The following PODXL variants were observed in gnomAD, a reference collection of about 807,000 sequenced individuals.
PODXL encodes podocalyxin like, also known as podocalyxin.
A neutral mutation model predicts 48.9 loss-of-function variants in PODXL; 20 were observed. The observed-to-expected ratio is 0.41, with a 90% CI of 0.29 to 0.59. The LOEUF (loss-of-function observed/expected upper bound fraction) is 0.59, where lower values mean the gene tolerates loss of function less well. Among genes scored for constraint, PODXL ranks in the 20% least tolerant of loss-of-function variants. PODXL has a pLI of 0.31. For missense variants in PODXL, 606 were observed against 675.1 expected (o/e 0.90, Z 1.13); for synonymous variants, 295 against 287.4 (o/e 1.03, Z -0.27).
Position 131,506,661 on chromosome 7 carries a change from G to A in PODXL, c.1167C>T (p.Asn389=). 1.2e-6 allele frequency: 2 copies of A among 1,614,200 alleles called. No individual in the cohort carries two copies. Among genetic ancestry groups the A allele is most frequent in the Non-Finnish European group, 1.7e-6 (2 of 1,180,014 alleles). The change falls in exon 6 of 9, where the codon AAC becomes AAT. Residue 389 remains asparagine, a synonymous_variant. Transcript: ENST00000378555. ...GTATGCCGCACTTATCTTGGGCCGG[G>A]TTGAAGGTGGCTTTGACTGCTCGGC... ...LICRAVKATF[N]PAQDKCGIRL...
chr7:131,532,445 A>T lies in PODXL; in HGVS notation c.101-21012T>A, dbSNP rs1410448201. ...AGCAAGACTCCGTCTCAAAAAAAAA[A>T]AAAAAATTAAAAATAAATAATAATA... On this transcript the variant is annotated intron_variant, in intron 1 of 8. Transcript: ENST00000378555. Among the ~76,000 whole-genome samples the T allele has an allele frequency of 2.0e-5, 3 of 148,782 alleles. No homozygotes were observed. In the East Asian group the frequency reaches 6.2e-4, roughly 31 times the overall value.
intron 1 of PODXL, 142 bp from the exon 2 acceptor site, chr7:131,511,575 A>G: frequency 1.3e-6 from 1 of 767,232 alleles, no homozygotes; most frequent in Non-Finnish European, 2.1e-6. Context: ...TGGTGAATCC[A>G]GAATTTTCGG....
chr7:131,540,515 C>T, intron 1 of PODXL, among the ~76,000 whole-genome samples: 1 of 152,014 alleles, frequency 6.6e-6, no homozygotes, highest in East Asian at 1.9e-4. Context: ...ACCCTTCGCA[C>T]CGACCCTCAC....
At chr7:131,526,702 C>T (rs563323992) in intron 1 of PODXL, among the ~76,000 whole-genome samples, 12 of 146,066 alleles carry the variant, frequency 8.2e-5, no homozygotes, top group Non-Finnish European at 1.3e-4. Context: ...GAAAGTTAGA[C>T]GTGTACACAT....
Position 131,511,078 on chromosome 7 carries a change from T to C in PODXL, c.456A>G (p.Ala152=), listed in dbSNP as rs1797904864. 2 of 1,614,010 alleles carry C rather than the reference T, an allele frequency of 1.2e-6. No homozygotes were observed. Among genetic ancestry groups the C allele is most frequent in the Non-Finnish European group, 1.7e-6 (2 of 1,180,022 alleles). ...TCCCCCCAGAGTTTGTTGTATCTTC[T>C]GCTCCATTCTGGCTGCTTGTGGTGT... ...KPNTTSSQNG[A]EDTTNSGGKS... The change falls in exon 2 of 9, where the codon GCA becomes GCG. Residue 152 remains alanine, a synonymous_variant. Transcript: ENST00000378555.
chr7:131,504,506 C>A lies in PODXL; in HGVS notation c.1482G>T (p.Gln494His). Reference sequence around the variant, plus strand: ...CTGTCTGCAGCTCCTCTGTTAGCCGCTGCTAGAGTGGGGAAGGTGACCGGT... The same window carrying A: ...CTGTCTGCAGCTCCTCTGTTAGCCGATGCTAGAGTGGGGAAGGTGACCGGT... ...HQRLSQRKDQ[Q>H]RLTEELQTVE... The change falls in exon 9 of 9, where the codon CAG becomes CAT. Residue 494 changes from glutamine (Q) to histidine (H), a missense_variant and splice_region_variant. Coordinates refer to ENST00000378555, the MANE Select transcript of PODXL (RefSeq NM_001018111.3). 6.2e-7 allele frequency: 1 copy of A among 1,614,126 alleles called. No individual in the cohort carries two copies. The highest frequency in any genetic ancestry group is 8.5e-7 in the Non-Finnish European group (1 of 1,179,952).
intron 1 of PODXL, among the ~76,000 whole-genome samples, chr7:131,514,335 ACC>A (rs1797960177): frequency 6.6e-6 from 1 of 151,982 alleles, no homozygotes; most frequent in South Asian, 2.1e-4. Context: ...AATAGCTTGA[ACC>A]TGGGAGGCGG....
At chr7:131,506,753 C>T in intron 5 of PODXL, 27 bp from the exon 6 acceptor site, 3 of 1,611,928 alleles carry the variant, frequency 1.9e-6, no homozygotes, top group Non-Finnish European at 1.7e-6. Context: ...GCAGGTGACT[C>T]CGCGGGGAGC....
intron 1 of PODXL, among the ~76,000 whole-genome samples, chr7:131,519,604 A>G (rs932942456): frequency 1.7e-4 from 26 of 150,416 alleles, no homozygotes; most frequent in Admixed American, 5.3e-4. Flanking sequence ...CAAAAGGGGA[A>G]AAAAAAAAAT....
intron 1 of PODXL, among the ~76,000 whole-genome samples, chr7:131,511,948 C>T (rs1797920709): frequency 6.6e-6 from 1 of 152,196 alleles, no homozygotes; most frequent in African/African-American, 2.4e-5. Flanking sequence ...CCAGGAACAC[C>T]TCTGTCTCCT....
intron 1 of PODXL, among the ~76,000 whole-genome samples, chr7:131,550,776 T>C (rs1798655700): frequency 6.6e-6 from 1 of 151,768 alleles, no homozygotes; most frequent in South Asian, 2.1e-4. Context: ...TGCACACACA[T>C]ACATGCACGC....
At chr7:131,507,357 AG>A (rs1033116926) in intron 5 of PODXL, among the ~76,000 whole-genome samples, 2 of 152,146 alleles carry the variant, frequency 1.3e-5, no homozygotes, top group African/African-American at 2.4e-5. Context: ...GATATCTTGG[AG>A]GGGGTCTTAT....
chr7:131,539,068 C>T (rs1484820981), intron 1 of PODXL, among the ~76,000 whole-genome samples: 1 of 152,218 alleles, frequency 6.6e-6, no homozygotes, highest in Non-Finnish European at 1.5e-5. Context: ...TCGCTAACCT[C>T]GCCTGCCCAA....
intron 1 of PODXL, among the ~76,000 whole-genome samples, chr7:131,544,656 TACGC>T (rs148966788): frequency 1.4e-4 from 3 of 20,872 alleles, no homozygotes; most frequent in East Asian, 0.031. Context: ...CGCCCTGTAC[TACGC>T]ACGCACGCCC....
intron 1 of PODXL, among the ~76,000 whole-genome samples, chr7:131,530,271 C>T (rs975454840): frequency 2.6e-5 from 4 of 151,684 alleles, no homozygotes; most frequent in Non-Finnish European, 4.4e-5. Flanking sequence ...CATGGGAGAG[C>T]CGGATCAGTA....
At chr7:131,536,764 G>T (rs1798381213) in intron 1 of PODXL, among the ~76,000 whole-genome samples, 1 of 152,092 alleles carries the variant, frequency 6.6e-6, no homozygotes, top group Non-Finnish European at 1.5e-5. Flanking sequence ...CAGTCAGGAG[G>T]TTCTCAGAAC....
At chr7:131,522,581 G>C (rs927345273) in intron 1 of PODXL, among the ~76,000 whole-genome samples, 1 of 152,166 alleles carries the variant, frequency 6.6e-6, no homozygotes, top group African/African-American at 2.4e-5. Flanking sequence ...CGGGTGCACC[G>C]AAGGTATTCA....
At chr7:131,510,373 T>C (rs1221392205) in intron 2 of PODXL, 42 bp from the exon 3 acceptor site, 5 of 304,532 alleles carry the variant, frequency 1.6e-5, no homozygotes, top group South Asian at 1.3e-4. Context: ...TTAGCTGGTG[T>C]GCTGGTGCAC....
intron 8 of PODXL, among the ~76,000 whole-genome samples, 185 bp downstream of exon 8, chr7:131,505,683 C>T (rs1797785417): frequency 6.6e-6 from 1 of 152,212 alleles, no homozygotes; most frequent in South Asian, 2.1e-4. Flanking sequence ...ACGCTCTGTC[C>T]TCTGCCACGC....
Sources: allele counts gnomAD v4.1 joint callset (sites outside exome capture counted in the v4.1 genomes callset), GRCh38; gene constraint gnomAD v4.1.1; transcripts MANE v1.5; gene names NCBI Gene and HGNC (gene_info 2026-07-23, HGNC 2026-07-21).